The following DLC1 variants were observed in gnomAD, a reference collection of about 807,000 sequenced individuals.
DLC1 encodes rho GTPase-activating protein 7.
A neutral mutation model predicts 140.3 loss-of-function variants in DLC1; 54 were observed. That is an observed-to-expected ratio of 0.38 (90% confidence interval 0.31 to 0.48). The LOEUF (loss-of-function observed/expected upper bound fraction) is 0.48. Among genes scored for constraint, DLC1 ranks in the 20% least tolerant of loss-of-function variants. DLC1 has a pLI of 0.96. For synonymous variants in DLC1, 986 were observed against 728.1 expected (o/e 1.35, Z -5.70); for missense variants, 2,536 against 1,907.0 (o/e 1.33, Z -6.14).
chr8:13,286,566 T>G (rs952624224), intron 5 of DLC1, among the ~76,000 whole-genome samples: 1 of 152,104 alleles, frequency 6.6e-6, no homozygotes, highest in Non-Finnish European at 1.5e-5. Context: ...GCTGTTTGTA[T>G]GGATATATAT....
chr8:13,268,797 A>G (rs543288760), intron 5 of DLC1, among the ~76,000 whole-genome samples: 250 of 150,834 alleles, frequency 1.7e-3, no homozygotes, highest in Middle Eastern at 6.9e-3. Flanking sequence ...GCCTATAAGT[A>G]TCTTCAGGTA....
intron 5 of DLC1, among the ~76,000 whole-genome samples, chr8:13,248,385 TCTCTGACTCTGAGAAAGA>T (rs1344331883): frequency 1.9e-4 from 20 of 102,732 alleles, no homozygotes; most frequent in Non-Finnish European, 2.1e-4. Context: ...GAAGAAAGAC[TCTCTGACTCTGAGAAAGA>T]CTCTCTGACT....
rs1038074968 is a variant in DLC1, at chr8:13,406,472, A to G, written c.1024-4853T>C. On this transcript the variant is annotated intron_variant, in intron 2 of 17. Transcript: ENST00000276297. Reference sequence around the variant, plus strand: ...ATAGTGTCAAATTCTGCCTTACTCTAACTTCTCAGCTTGTCCCACAAGAAA... The same window carrying G: ...ATAGTGTCAAATTCTGCCTTACTCTGACTTCTCAGCTTGTCCCACAAGAAA... 2.0e-5 allele frequency among the ~76,000 whole-genome samples: 3 copies of G among 152,198 alleles called. No homozygotes were observed. In the East Asian group the frequency reaches 5.8e-4, roughly 29 times the overall value.
chr8:13,393,463 T>C, intron 4 of DLC1, 90 bp downstream of exon 4: 1 of 1,359,732 alleles, frequency 7.4e-7, no homozygotes, highest in South Asian at 1.5e-5. Context: ...ATTCCAACAG[T>C]ATTTCTTCTA....
chr8:13,190,462 T>C (rs550302365), intron 5 of DLC1, among the ~76,000 whole-genome samples: 1 of 152,324 alleles, frequency 6.6e-6, no homozygotes, highest in African/African-American at 2.4e-5. Context: ...TCTCTCTCTC[T>C]CTTTCTGGAC....
chr8:13,472,151 T>C (rs893636401), intron 2 of DLC1, among the ~76,000 whole-genome samples: 96 of 152,208 alleles, frequency 6.3e-4, no homozygotes, highest in African/African-American at 2.2e-3. Context: ...CGCCAACTTA[T>C]TTTTTTCAGC....
intron 5 of DLC1, among the ~76,000 whole-genome samples, chr8:13,252,503 C>T (rs748645413): frequency 2.0e-5 from 3 of 152,012 alleles, no homozygotes; most frequent in Admixed American, 6.6e-5. Context: ...GCTGTTAATA[C>T]GGTCATATGG....
chr8:13,583,398 C>G (rs924342770), intron 1 of DLC1, among the ~76,000 whole-genome samples: 9 of 152,196 alleles, frequency 5.9e-5, no homozygotes, highest in Non-Finnish European at 1.0e-4. Context: ...AAGCAACTCT[C>G]TGTTGGTTCA....
intron 2 of DLC1, among the ~76,000 whole-genome samples, chr8:13,494,598 T>C (rs1192901896): frequency 6.6e-6 from 1 of 152,170 alleles, no homozygotes; most frequent in African/African-American, 2.4e-5. Flanking sequence ...GAGAGAAATA[T>C]GTCATTTGAA....
At chr8:13,356,560 G>C (rs1389277647) in intron 4 of DLC1, among the ~76,000 whole-genome samples, 1 of 152,100 alleles carries the variant, frequency 6.6e-6, no homozygotes, top group African/African-American at 2.4e-5. Flanking sequence ...CTTTCTTTCT[G>C]TCTCCTTAGA....
chr8:13,111,965 G>C (rs545703302), intron 6 of DLC1, among the ~76,000 whole-genome samples: 11 of 152,110 alleles, frequency 7.2e-5, no homozygotes, highest in Admixed American at 5.9e-4. Context: ...GAGCAGCATG[G>C]CGAGACCTTG....
At chr8:13,440,905 C>T (rs1357326356) in intron 2 of DLC1, among the ~76,000 whole-genome samples, 3 of 152,148 alleles carry the variant, frequency 2.0e-5, no homozygotes, top group African/African-American at 7.2e-5. Flanking sequence ...AATTAAACCT[C>T]CTCTTCTTCC....
At position 13,405,917 on chromosome 8, in the gene DLC1, TTTTCTTTCTTTCTTTCTTTC is replaced by T. The variant is rs71207150; in HGVS notation, c.1024-4318_1024-4299del. On this transcript the variant is annotated intron_variant, in intron 2 of 17. Transcript: ENST00000276297. ...TCTTTCTTTTTCTTTCTTTCTTTTC[TTTTCTTTCTTTCTTTCTTTC>T]TTTCTTTCTTTCTTTCTTTCTTTCT... Among the ~76,000 whole-genome samples the T allele has an allele frequency of 4.1e-4, 35 of 84,944 alleles. 1 individual carries two copies. Among genetic ancestry groups the T allele is most frequent in the South Asian group, 9.6e-4 (2 of 2,084 alleles). 55.7% of individuals were successfully genotyped at this position (84,944 alleles called of 152,430 possible).
chr8:13,543,255 A>G (rs894553764), intron 1 of DLC1, among the ~76,000 whole-genome samples: 2 of 152,234 alleles, frequency 1.3e-5, no homozygotes, highest in African/African-American at 4.8e-5. Flanking sequence ...AGCCATAAAA[A>G]TAATACAACT....
At chr8:13,275,339 A>G (rs953960206) in intron 5 of DLC1, among the ~76,000 whole-genome samples, 13 of 152,262 alleles carry the variant, frequency 8.5e-5, no homozygotes, top group African/African-American at 2.9e-4. Context: ...AGAACTCTGT[A>G]TTGACTCTTA....
At chr8:13,508,446 C>A (rs957237622) in intron 1 of DLC1, among the ~76,000 whole-genome samples, 4 of 143,358 alleles carry the variant, frequency 2.8e-5, no homozygotes, top group Non-Finnish European at 4.5e-5. Flanking sequence ...GAGACGGAGT[C>A]TCGCTCTGTC....
chr8:13,085,764 T>C lies in DLC1; in HGVS notation c.*47A>G, dbSNP rs187249510. 21 of 1,611,696 alleles carry C rather than the reference T, an allele frequency of 1.3e-5. No homozygotes were observed. In the African/African-American group the frequency reaches 2.7e-4, roughly 20 times the overall value. Reference sequence around the variant, plus strand: ...ATTCTTCAAGGACTGGCAAAAGTTCTAGAAACAAACACCATGGTGGTGGAA... The same window carrying C: ...ATTCTTCAAGGACTGGCAAAAGTTCCAGAAACAAACACCATGGTGGTGGAA... On this transcript the variant is annotated 3_prime_UTR_variant, in exon 18 of 18. Coordinates refer to ENST00000276297, the MANE Select transcript of DLC1 (RefSeq NM_182643.3).
At chr8:13,564,994 A>G (rs1263480955) in intron 1 of DLC1, among the ~76,000 whole-genome samples, 1 of 152,148 alleles carries the variant, frequency 6.6e-6, no homozygotes, top group African/African-American at 2.4e-5. Flanking sequence ...GAAGATTGAG[A>G]TTTCCAAAGG....
intron 1 of DLC1, among the ~76,000 whole-genome samples, chr8:13,600,829 C>G (rs928102563): frequency 1.3e-5 from 2 of 151,642 alleles, no homozygotes; most frequent in Non-Finnish European, 3.0e-5. Flanking sequence ...ATAAGCAAAA[C>G]TGATCAGGGC....
Sources: gnomAD v4.1 joint callset for allele counts (sites outside exome capture counted in the v4.1 genomes callset) on GRCh38, gnomAD v4.1.1 for gene constraint, MANE v1.5 for transcripts, NCBI Gene and HGNC (gene_info 2026-07-23, HGNC 2026-07-21) for gene names.